Variants in NFIB observed in about 807,000 individuals in gnomAD.
NFIB encodes nuclear factor I B, also known as nuclear factor 1 B-type.
Under a neutral mutation model 61.5 loss-of-function variants are expected in NFIB, and 11 were observed. The ratio of observed to expected loss-of-function variants is 0.18; its 90% CI spans 0.11 to 0.30. The LOEUF is 0.30. Ranked by LOEUF, NFIB falls within the 10% of genes least tolerant of loss-of-function variation. NFIB has a pLI of 1.00. For missense variants in NFIB, 471 were observed against 608.9 expected (o/e 0.77, Z 2.38); for synonymous variants, 260 against 216.5 (o/e 1.20, Z -1.76).
chr9:14,206,044 T>G (rs1361719313), intron 2 of NFIB, among the ~76,000 whole-genome samples: 1 of 152,206 alleles, frequency 6.6e-6, no homozygotes, highest in Non-Finnish European at 1.5e-5. Context: ...TTTTATCCTT[T>G]GTTTAATTAG....
intron 1 of NFIB, among the ~76,000 whole-genome samples, chr9:14,367,679 C>T (rs1452229122): frequency 6.6e-6 from 1 of 152,126 alleles, no homozygotes; most frequent in African/African-American, 2.4e-5. Flanking sequence ...CACATATACA[C>T]CATGGAATAC....
intron 2 of NFIB, chr9:14,300,273 A>C (rs1334360488): frequency 7.5e-6 from 3 of 398,298 alleles, no homozygotes; most frequent in Non-Finnish European, 1.3e-5. Context: ...GTAATAACTC[A>C]AGTTTCCGAT....
chr9:14,206,009 T>A (rs1004905831), intron 2 of NFIB, among the ~76,000 whole-genome samples: 1 of 152,150 alleles, frequency 6.6e-6, no homozygotes, highest in Non-Finnish European at 1.5e-5. Context: ...TTAATTATGT[T>A]TCTGCGTAAA....
intron 2 of NFIB, among the ~76,000 whole-genome samples, chr9:14,273,348 G>A (rs1237838520): frequency 6.6e-6 from 1 of 152,182 alleles, no homozygotes; most frequent in East Asian, 1.9e-4. Context: ...AAGACTCGGG[G>A]CTGTGGGGAG....
rs777669705 is a variant in NFIB, at chr9:14,084,351, G to A, written c.*3958C>T. 1.3e-3 allele frequency: 290 copies of A among 219,310 alleles called. 4 individuals carry two copies. Among genetic ancestry groups the A allele is most frequent in the Middle Eastern group, 1.4e-3 (1 of 730 alleles). 13.6% of individuals were successfully genotyped at this position (219,310 alleles called of 1,614,324 possible). A position where few individuals can be genotyped will look rare whatever the true frequency, so the allele number is the denominator to read the frequency against. On this transcript the variant is annotated 3_prime_UTR_variant, in exon 11 of 11. Transcript: ENST00000380953. Reference sequence around the variant, plus strand: ...TGTACAAATTACTGTCTACAAGGTAGGCGGTTCATTAAGAAGACCTTTCGC... The same window carrying A: ...TGTACAAATTACTGTCTACAAGGTAAGCGGTTCATTAAGAAGACCTTTCGC...
At chr9:14,257,829 T>C (rs1044250050) in intron 2 of NFIB, among the ~76,000 whole-genome samples, 11 of 152,210 alleles carry the variant, frequency 7.2e-5, no homozygotes, top group South Asian at 2.1e-4. Flanking sequence ...TATGGTTTCC[T>C]TGTCATTGAA....
chr9:14,494,641 C>T, the NFIB span, among the ~76,000 whole-genome samples: 6 of 152,210 alleles, frequency 3.9e-5, no homozygotes, highest in East Asian at 1.9e-4. Flanking sequence ...ACTTCTGCTT[C>T]GCTTTCATTT....
chr9:14,416,193 T>C, the NFIB span, among the ~76,000 whole-genome samples: 2 of 152,232 alleles, frequency 1.3e-5, no homozygotes, highest in African/African-American at 4.8e-5. Flanking sequence ...ACATATACCA[T>C]AATGGTCCCA....
chr9:14,117,064 G>A (rs55850262), intron 8 of NFIB, among the ~76,000 whole-genome samples: 10 of 152,180 alleles, frequency 6.6e-5, no homozygotes, highest in East Asian at 1.9e-4. Flanking sequence ...GCTGAGCTAC[G>A]TTTGTCCTTA....
chr9:14,445,140 G>C, the NFIB span, among the ~76,000 whole-genome samples: 1 of 152,082 alleles, frequency 6.6e-6, no homozygotes. Flanking sequence ...CTGGTATATA[G>C]GAATGTAGTT....
chr9:14,237,260 A>G (rs977851102), intron 2 of NFIB, among the ~76,000 whole-genome samples: 4 of 152,188 alleles, frequency 2.6e-5, no homozygotes, highest in Admixed American at 6.5e-5. Context: ...AAAACTTCCA[A>G]TGCTCTCTTT....
intron 2 of NFIB, among the ~76,000 whole-genome samples, chr9:14,293,405 T>C (rs905990829): frequency 3.9e-5 from 6 of 152,180 alleles, no homozygotes; most frequent in African/African-American, 1.4e-4. Context: ...TCATGAAATA[T>C]TTTCTCTGTA....
chr9:14,368,907 G>T (rs988375806), intron 1 of NFIB, among the ~76,000 whole-genome samples: 7 of 151,962 alleles, frequency 4.6e-5, no homozygotes, highest in Admixed American at 1.3e-4. Flanking sequence ...AACTATATAG[G>T]GACAATATCA....
the NFIB span, among the ~76,000 whole-genome samples, chr9:14,528,250 C>G: frequency 2.0e-5 from 3 of 152,250 alleles, no homozygotes; most frequent in East Asian, 3.9e-4. Context: ...ATTATTAAAA[C>G]AGCCTAGCAA....
chr9:14,083,562 A>G lies in NFIB; in HGVS notation c.*4747T>C, dbSNP rs772424364. The G allele has an allele frequency of 8.7e-6, 2 of 228,788 alleles. No individual in the cohort carries two copies. The highest frequency in any genetic ancestry group is 1.7e-5 in the Non-Finnish European group (2 of 115,124). 14.2% of individuals were successfully genotyped at this position (228,788 alleles called of 1,614,324 possible). A position where few individuals can be genotyped will look rare whatever the true frequency, so the allele number is the denominator to read the frequency against. ...AGCATGCAGCTGGTTAATGTTAACAAAAGACCTTGACAGGAACATGTAAAC... is the reference window on the plus strand; with the variant it reads ...AGCATGCAGCTGGTTAATGTTAACAGAAGACCTTGACAGGAACATGTAAAC... On this transcript the variant is annotated 3_prime_UTR_variant, in exon 11 of 11. Coordinates refer to ENST00000380953, the MANE Select transcript of NFIB (RefSeq NM_001190737.2).
intron 10 of NFIB, among the ~76,000 whole-genome samples, chr9:14,104,662 C>T (rs894573357): frequency 6.6e-6 from 1 of 151,640 alleles, no homozygotes; most frequent in African/African-American, 2.4e-5. Flanking sequence ...TTCACTGCAG[C>T]CTCAACCTCC....
chr9:14,357,847 T>C (rs2061194268), intron 1 of NFIB: 2 of 152,222 alleles, frequency 1.3e-5, no homozygotes, highest in Admixed American at 1.3e-4. Context: ...TTAACAAGGA[T>C]GGACCTTAAA....
chr9:14,427,937 G>T, the NFIB span, among the ~76,000 whole-genome samples: 2,431 of 42,992 alleles, frequency 0.057, 76 homozygotes, highest in Non-Finnish European at 0.069. Flanking sequence ...TAATTCAGTT[G>T]TTTTTTTTTT....
At chr9:14,303,325 T>C (rs896334268) in intron 2 of NFIB, among the ~76,000 whole-genome samples, 6 of 152,318 alleles carry the variant, frequency 3.9e-5, no homozygotes, top group East Asian at 1.9e-4. Flanking sequence ...CCCTGCATCC[T>C]ATAGGACACT....
Sources: allele counts gnomAD v4.1 joint callset (sites outside exome capture counted in the v4.1 genomes callset), GRCh38; gene constraint gnomAD v4.1.1; transcripts MANE v1.5; gene names NCBI Gene and HGNC (gene_info 2026-07-23, HGNC 2026-07-21).